SLC38A12: variants seen among roughly 807,000 people sequenced by gnomAD.
SLC38A12 encodes the protein solute carrier family 38 member 12, also known as putative sodium-coupled neutral amino acid transporter 12.
chr17:74,820,382 C>T, the SLC38A12 span, among the ~76,000 whole-genome samples: 8 of 152,256 alleles, frequency 5.3e-5, no homozygotes, highest in Non-Finnish European at 7.3e-5. Context: ...AACCAACGGA[C>T]ACTGTGCTGA....
the SLC38A12 span, among the ~76,000 whole-genome samples, chr17:74,831,442 G>T: frequency 6.6e-6 from 1 of 152,140 alleles, no homozygotes; most frequent in South Asian, 2.1e-4. Flanking sequence ...TGGCTTTTGC[G>T]TTGGCTTTTA....
chr17:74,837,373 C>T, the SLC38A12 span: 29 of 985,428 alleles, frequency 2.9e-5, no homozygotes, highest in Non-Finnish European at 3.4e-5. Flanking sequence ...AGCATCCCTT[C>T]TACAGGGACA....
At chr17:74,836,206 T>C in the SLC38A12 span, 2 of 1,612,254 alleles carry the variant, frequency 1.2e-6, no homozygotes, top group South Asian at 1.1e-5. This position sits in a 1 kb window ranked among gnomAD's most constrained non-coding sequence, Gnocchi z 4.2. Context: ...CTCATGGACA[T>C]GTACACCCTC....
chr17:74,785,604 G>A, the SLC38A12 span: 1 of 1,613,176 alleles, frequency 6.2e-7, no homozygotes, highest in African/African-American at 1.3e-5. Flanking sequence ...GCTTCATGAG[G>A]TGAGAGGCAG....
chr17:74,793,465 G>C, the SLC38A12 span, among the ~76,000 whole-genome samples: 1 of 152,186 alleles, frequency 6.6e-6, no homozygotes, highest in Non-Finnish European at 1.5e-5. Context: ...TCCTCTATAG[G>C]AGGCTCCCTT....
chr17:74,790,440 A>T, the SLC38A12 span: 1 of 736,928 alleles, frequency 1.4e-6, no homozygotes, highest in Admixed American at 2.1e-5. Flanking sequence ...TGGTAGACTC[A>T]AAAGAGCACA....
At chr17:74,815,872 G>A in the SLC38A12 span, among the ~76,000 whole-genome samples, 1 of 152,188 alleles carries the variant, frequency 6.6e-6, no homozygotes, top group Non-Finnish European at 1.5e-5. Flanking sequence ...TGAGCCCTTG[G>A]TACCCAGATG....
the SLC38A12 span, among the ~76,000 whole-genome samples, chr17:74,803,458 C>A: frequency 6.6e-6 from 1 of 152,116 alleles, no homozygotes; most frequent in Non-Finnish European, 1.5e-5. Flanking sequence ...TGTGCACAGG[C>A]CAATTTGGTT....
the SLC38A12 span, among the ~76,000 whole-genome samples, chr17:74,803,591 C>G: frequency 6.6e-6 from 1 of 152,182 alleles, no homozygotes; most frequent in Non-Finnish European, 1.5e-5. Context: ...ACCCCGAGCC[C>G]GAGGCCTAAG....
chr17:74,815,487 G>A, the SLC38A12 span, among the ~76,000 whole-genome samples: 3 of 152,166 alleles, frequency 2.0e-5, no homozygotes, highest in Non-Finnish European at 2.9e-5. Context: ...AGAAATTTGG[G>A]GATGGGGAGA....
At chr17:74,796,561 G>C in the SLC38A12 span, among the ~76,000 whole-genome samples, 1 of 152,208 alleles carries the variant, frequency 6.6e-6, no homozygotes, top group Admixed American at 6.5e-5. Flanking sequence ...GGCTTTTCTT[G>C]CCCTCCTAGT....
the SLC38A12 span, chr17:74,777,284 C>G: frequency 1.2e-6 from 2 of 1,613,294 alleles, no homozygotes; most frequent in South Asian, 1.1e-5. Flanking sequence ...AGCCGCCGTC[C>G]TTGCACCTAA....
At chr17:74,817,758 G>T in the SLC38A12 span, among the ~76,000 whole-genome samples, 1 of 152,268 alleles carries the variant, frequency 6.6e-6, no homozygotes, top group East Asian at 1.9e-4. Context: ...GCCCCTGGGG[G>T]TGGTTCTGCT....
chr17:74,783,480 G>C, the SLC38A12 span, among the ~76,000 whole-genome samples: 2 of 152,192 alleles, frequency 1.3e-5, no homozygotes, highest in Non-Finnish European at 2.9e-5. Flanking sequence ...CTGAAGGCTG[G>C]GTAGGAGTTG....
chr17:74,790,891 C>T, the SLC38A12 span: 3,093 of 1,497,456 alleles, frequency 2.1e-3, 3 homozygotes, highest in Admixed American at 4.1e-3. Context: ...GTGAGGTCCT[C>T]ACCACCCTCT....
chr17:74,812,630 C>T, the SLC38A12 span, among the ~76,000 whole-genome samples: 4 of 151,958 alleles, frequency 2.6e-5, no homozygotes, highest in East Asian at 1.9e-4. Context: ...TCAGGGAGCT[C>T]GGCTGTGCGA....
the SLC38A12 span, among the ~76,000 whole-genome samples, chr17:74,813,177 G>A: frequency 9.9e-5 from 15 of 152,168 alleles, no homozygotes; most frequent in African/African-American, 3.4e-4. Context: ...TCGCCTGCGT[G>A]CTTCCCTGGT....
the SLC38A12 span, chr17:74,839,030 G>T: frequency 6.5e-7 from 1 of 1,535,698 alleles, no homozygotes; most frequent in Non-Finnish European, 8.7e-7. Flanking sequence ...AGATGCCCCC[G>T]GTGCAGGCCA....
chr17:74,785,362 G>A, the SLC38A12 span: 4 of 1,420,872 alleles, frequency 2.8e-6, no homozygotes, highest in African/African-American at 4.3e-5. Context: ...CTCCTTCCCT[G>A]TCTACAGTGT....
Sources: gnomAD v4.1 joint callset for allele counts (sites outside exome capture counted in the v4.1 genomes callset) on GRCh38, gnomAD v4.1.1 for gene constraint, Gnocchi (gnomAD v3.1) non-coding constraint, MANE v1.5 for transcripts, NCBI Gene and HGNC (gene_info 2026-07-23, HGNC 2026-07-21) for gene names.